Variants in AGR2 observed in about 807,000 individuals in gnomAD.
AGR2 encodes anterior gradient 2, protein disulphide isomerase family member.
A neutral mutation model predicts 25.9 loss-of-function variants in AGR2; 27 were observed. The ratio of observed to expected loss-of-function variants is 1.04; its 90% CI spans 0.77 to 1.44. AGR2 has a LOEUF of 1.44. Ranked by LOEUF, AGR2 falls within the 40% of genes most tolerant of loss-of-function variation. The probability of loss-of-function intolerance (pLI) is 0.00; values close to 1 mark genes in which losing one functional copy is unlikely to be tolerated. For missense variants in AGR2, 182 were observed against 200.9 expected (o/e 0.91, Z 0.57); for synonymous variants, 78 against 72.0 (o/e 1.08, Z -0.42).
At chr7:16,794,911 C>G in intron 7 of AGR2, 25 bp downstream of exon 7, 3 of 1,614,040 alleles carry the variant, frequency 1.9e-6, no homozygotes, top group Non-Finnish European at 2.5e-6. Flanking sequence ...TCTTGGGCAA[C>G]ATCCGAATTG....
chr7:16,794,308 A>T (rs1785007177), intron 7 of AGR2, among the ~76,000 whole-genome samples: 1 of 152,230 alleles, frequency 6.6e-6, no homozygotes, highest in African/African-American at 2.4e-5. Context: ...GGCAGCCACT[A>T]CTAATTGATC....
chr7:16,797,523 G>T, intron 6 of AGR2, 108 bp downstream of exon 6: 2 of 826,258 alleles, frequency 2.4e-6, no homozygotes, highest in Non-Finnish European at 2.0e-6. Flanking sequence ...CTAGAGCTTA[G>T]TGATGACATT....
At chr7:16,802,090 G>A (rs867456882) in intron 1 of AGR2, among the ~76,000 whole-genome samples, 15 of 151,904 alleles carry the variant, frequency 9.9e-5, no homozygotes, top group South Asian at 2.1e-4. Context: ...TACTTTCTGC[G>A]GTTTCAGCTA....
chr7:16,798,428 G>A (rs776110245), intron 5 of AGR2, among the ~76,000 whole-genome samples: 23 of 152,316 alleles, frequency 1.5e-4, no homozygotes, highest in African/African-American at 2.9e-4. Context: ...GGGGATGCAC[G>A]AGGGCAGTGG....
intron 5 of AGR2, chr7:16,799,511 A>G (rs1667404810): frequency 6.6e-6 from 3 of 453,204 alleles, no homozygotes; most frequent in African/African-American, 3.9e-5. Context: ...AATTCTGACT[A>G]CGGGAGATAA....
Position 16,792,961 on chromosome 7 carries a change from A to G in AGR2, c.479-4T>C, listed in dbSNP as rs777605755. ...GCTTTCTTCATGTTGTCAAGCACTA[A>G]TGGGGGATAAAAGCAGGAGAGTCAA... On this transcript the variant is annotated splice_region_variant and splice_polypyrimidine_tract_variant and intron_variant, in intron 7 of 7. Transcript: ENST00000419304. 2 of 1,613,768 alleles carry G rather than the reference A, an allele frequency of 1.2e-6. No individual in the cohort carries two copies. Among genetic ancestry groups the G allele is most frequent in the East Asian group, 4.5e-5 (2 of 44,888 alleles).
At chr7:16,794,490 T>C (rs895649723) in intron 7 of AGR2, among the ~76,000 whole-genome samples, 3 of 152,216 alleles carry the variant, frequency 2.0e-5, no homozygotes, top group African/African-American at 7.2e-5. Context: ...TTCTTGGCAA[T>C]CATTTGGATC....
In AGR2 at chr7:16,792,887, G is replaced by A; in HGVS notation, c.*21C>T. ...AAGTCTCAAGGCCTGACAGACAGAA[G>A]GGCTTGGAGATTTTTTTTCTTTACA... On this transcript the variant is annotated 3_prime_UTR_variant, in exon 8 of 8. Coordinates refer to ENST00000419304, the MANE Select transcript of AGR2 (RefSeq NM_006408.4). 1.9e-6 allele frequency: 3 copies of A among 1,609,456 alleles called. No individual in the cohort carries two copies. The highest frequency in any genetic ancestry group is 1.1e-5 in the South Asian group (1 of 90,952).
chr7:16,802,120 A>G (rs983516555), intron 1 of AGR2, among the ~76,000 whole-genome samples: 3 of 152,032 alleles, frequency 2.0e-5, no homozygotes, highest in Non-Finnish European at 4.4e-5. Flanking sequence ...AACCGCGTCC[A>G]AAATAAGTGA....
chr7:16,794,964 A>G lies in AGR2; in HGVS notation c.450T>C (p.Tyr150=). 6 of 1,614,200 alleles carry G rather than the reference A, an allele frequency of 3.7e-6. No individual in the cohort carries two copies. The highest frequency in any genetic ancestry group is 2.2e-5 in the East Asian group (1 of 44,892). The change falls in exon 7 of 8, where the codon TAT becomes TAC. Residue 150 remains tyrosine (Y), a synonymous_variant. Transcript: ENST00000419304. ...DITGRYSNRL[Y]AYEPADTALL... ...GAGCTGTATCTGCAGGTTCGTAAGC[A>G]TAGAGACGATTTGAATATCTTCCAG...
intron 7 of AGR2, among the ~76,000 whole-genome samples, chr7:16,794,074 C>T (rs984272624): frequency 6.6e-6 from 1 of 152,174 alleles, no homozygotes; most frequent in African/African-American, 2.4e-5. Context: ...GCTAATGGAC[C>T]ATGATGATCT....
chr7:16,795,665 GA>G (rs1380028417), intron 6 of AGR2, among the ~76,000 whole-genome samples: 1 of 152,082 alleles, frequency 6.6e-6, no homozygotes, highest in Admixed American at 6.6e-5. Context: ...TAATTAATGA[GA>G]AAAAGAGGTA....
At chr7:16,796,699 G>A (rs950136121) in intron 6 of AGR2, among the ~76,000 whole-genome samples, 3 of 152,102 alleles carry the variant, frequency 2.0e-5, no homozygotes. Context: ...GTCCAATGTG[G>A]GAAATATTTA....
chr7:16,801,999 A>C (rs1785155146), intron 1 of AGR2, among the ~76,000 whole-genome samples, 196 bp from the exon 2 acceptor site: 1 of 151,132 alleles, frequency 6.6e-6, no homozygotes. Context: ...ACAATTGAGT[A>C]ATGTTCCAAT....
rs753350893 is a variant in AGR2 at position 16,801,464 on chromosome 7, G to T, written c.140-81C>A. 5.1e-6 allele frequency: 7 copies of T among 1,376,110 alleles called. No individual in the cohort carries two copies. In the East Asian group the frequency reaches 1.4e-4, roughly 27 times the overall value. 85.2% of individuals were successfully genotyped at this position (1,376,110 alleles called of 1,614,324 possible). On this transcript the variant is annotated intron_variant, in intron 2 of 7. Coordinates refer to ENST00000419304, the MANE Select transcript of AGR2 (RefSeq NM_006408.4). ...GTTGAAAAGCAATGGTAAAGACTGGGATAATAGACCCTATACTAAAGAAGA... is the reference window on the plus strand; with the variant it reads ...GTTGAAAAGCAATGGTAAAGACTGGTATAATAGACCCTATACTAAAGAAGA...
chr7:16,802,957 C>G (rs902583351), intron 1 of AGR2, among the ~76,000 whole-genome samples: 1 of 152,006 alleles, frequency 6.6e-6, no homozygotes, highest in African/African-American at 2.4e-5. Flanking sequence ...CTCAGCCTCC[C>G]AAGGAGCTGG....
At chr7:16,797,469 A>G (rs776236074) in intron 6 of AGR2, among the ~76,000 whole-genome samples, 162 bp downstream of exon 6, 1 of 152,202 alleles carries the variant, frequency 6.6e-6, no homozygotes, top group African/African-American at 2.4e-5. Flanking sequence ...CACATTTTCT[A>G]AAGAAAATAT....
intron 1 of AGR2, among the ~76,000 whole-genome samples, chr7:16,804,525 T>C (rs1785201821): frequency 6.6e-6 from 1 of 152,114 alleles, no homozygotes; most frequent in Non-Finnish European, 1.5e-5. Context: ...TGCAATAATA[T>C]ATTCCAAGCG....
At position 16,801,691 on chromosome 7, in the gene AGR2, A is replaced by AGCCCTTTGT. The variant is rs768199379; in HGVS notation, c.105_106insACAAAGGGC (p.Asp35_Ser36insThrLysGly). 13 of 1,613,740 alleles carry AGCCCTTTGT rather than the reference A, an allele frequency of 8.1e-6. No individual in the cohort carries two copies. The South Asian group carries it at 1.3e-4, about 16-fold the overall frequency. On this transcript the variant is annotated inframe_insertion, in exon 2 of 8. Coordinates refer to ENST00000419304, the MANE Select transcript of AGR2 (RefSeq NM_006408.4). ...AGGGTCTGGGGCAGTTTGGGTCGAG[A>AGCCCTTTGT]GTCCTTTGTGTCCTTTTTGGCTCCA...
Sources: gnomAD v4.1 joint callset for allele counts (sites outside exome capture counted in the v4.1 genomes callset) on GRCh38, gnomAD v4.1.1 for gene constraint, MANE v1.5 for transcripts, NCBI Gene and HGNC (gene_info 2026-07-23, HGNC 2026-07-21) for gene names.